HMGCLL1: variants seen among roughly 807,000 people sequenced by gnomAD.
HMGCLL1 encodes 3-hydroxy-3-methylglutaryl-CoA lyase like 1.
A neutral mutation model predicts 39.1 loss-of-function variants in HMGCLL1; 36 were observed. That is an observed-to-expected ratio of 0.92 (90% confidence interval 0.71 to 1.22). The LOEUF (loss-of-function observed/expected upper bound fraction) is 1.22, where lower values mean the gene tolerates loss of function less well. Among genes scored for constraint, HMGCLL1 ranks in the 50% most tolerant of loss-of-function variants. The pLI is 0.00. For missense variants in HMGCLL1, 451 were observed against 416.5 expected (o/e 1.08, Z -0.72); for synonymous variants, 149 against 144.0 (o/e 1.03, Z -0.25).
chr6:55,494,400 T>C (rs1460451718), intron 7 of HMGCLL1, among the ~76,000 whole-genome samples: 1 of 152,208 alleles, frequency 6.6e-6, no homozygotes, highest in Non-Finnish European at 1.5e-5. Context: ...TAGTTTTCTA[T>C]TGTTTCAGAA....
chr6:55,472,474 T>G (rs9357864), intron 7 of HMGCLL1, among the ~76,000 whole-genome samples: 38,448 of 102,664 alleles, frequency 0.37, 4,929 homozygotes, highest in East Asian at 0.58. Context: ...CCTGTTAATA[T>G]TTATTTTATC....
chr6:55,451,807 G>T (rs1255940604), intron 7 of HMGCLL1, among the ~76,000 whole-genome samples: 1 of 152,110 alleles, frequency 6.6e-6, no homozygotes. Flanking sequence ...TGAAAACAGT[G>T]GTTCTGACAA....
At chr6:55,484,957 T>C (rs1287543416) in intron 7 of HMGCLL1, among the ~76,000 whole-genome samples, 2 of 152,046 alleles carry the variant, frequency 1.3e-5, no homozygotes, top group African/African-American at 4.8e-5. Flanking sequence ...GGATTTACAA[T>C]AGCCTTCAAG....
At chr6:55,642,755 T>C in the HMGCLL1 span, among the ~76,000 whole-genome samples, 1 of 152,078 alleles carries the variant, frequency 6.6e-6, no homozygotes, top group Admixed American at 6.6e-5. Context: ...CTAAGCTTAG[T>C]ATCCAATAAT....
the HMGCLL1 span, among the ~76,000 whole-genome samples, chr6:55,632,572 G>A: frequency 2.0e-5 from 3 of 151,706 alleles, no homozygotes; most frequent in African/African-American, 7.3e-5. Flanking sequence ...GAACAGATCT[G>A]TTCTGTTTCA....
chr6:55,435,473 T>C lies in HMGCLL1; in HGVS notation c.*189A>G, dbSNP rs940240950. 6 of 387,350 alleles carry C rather than the reference T, an allele frequency of 1.5e-5. No individual in the cohort carries two copies. The highest frequency in any genetic ancestry group is 2.8e-5 in the Non-Finnish European group (6 of 217,388). The allele number at this position is 387,350 out of a possible 1,614,324, so 24.0% of individuals were successfully genotyped here. On this transcript the variant is annotated 3_prime_UTR_variant, in exon 9 of 9. Transcript: ENST00000274901. ...TTTATTATTTATCCTCAGCTTGCAA[T>C]TTACCTGATGACTGATATTGCATTT...
chr6:55,604,199 G>A, the HMGCLL1 span, among the ~76,000 whole-genome samples: 1 of 152,046 alleles, frequency 6.6e-6, no homozygotes, highest in Non-Finnish European at 1.5e-5. Context: ...CAGAGCTCTT[G>A]CCAAGTTTCC....
chr6:55,569,938 T>TAAC (rs1581961812), intron 1 of HMGCLL1, among the ~76,000 whole-genome samples: 1 of 152,120 alleles, frequency 6.6e-6, no homozygotes, highest in Non-Finnish European at 1.5e-5. Context: ...AAAGTGCATG[T>TAAC]AAGTCAAGTC....
At chr6:55,575,817 A>G (rs1771734341) in intron 1 of HMGCLL1, among the ~76,000 whole-genome samples, 1 of 152,174 alleles carries the variant, frequency 6.6e-6, no homozygotes. Flanking sequence ...ATCAAACTCT[A>G]TACCATGTCC....
At chr6:55,630,906 A>G in the HMGCLL1 span, among the ~76,000 whole-genome samples, 1 of 152,194 alleles carries the variant, frequency 6.6e-6, no homozygotes, top group Non-Finnish European at 1.5e-5. Flanking sequence ...GTATTTTTTT[A>G]TCAGCAGCAT....
At chr6:55,613,557 A>G in the HMGCLL1 span, among the ~76,000 whole-genome samples, 3 of 152,234 alleles carry the variant, frequency 2.0e-5, no homozygotes, top group South Asian at 2.1e-4. Context: ...AGGCCCATCA[A>G]TGATAGACTG....
chr6:55,651,111 G>A, the HMGCLL1 span, among the ~76,000 whole-genome samples: 1 of 152,076 alleles, frequency 6.6e-6, no homozygotes, highest in Non-Finnish European at 1.5e-5. Context: ...AATAGAAAGA[G>A]TCTTTCACTG....
At chr6:55,622,942 G>C in the HMGCLL1 span, among the ~76,000 whole-genome samples, 1 of 151,952 alleles carries the variant, frequency 6.6e-6, no homozygotes, top group Non-Finnish European at 1.5e-5. Context: ...CTCATTACTT[G>C]ATATCAGTTC....
At chr6:55,587,338 G>C in the HMGCLL1 span, among the ~76,000 whole-genome samples, 1 of 151,934 alleles carries the variant, frequency 6.6e-6, no homozygotes, top group African/African-American at 2.4e-5. Flanking sequence ...CTCCCATTCT[G>C]TAGGTCGCCT....
chr6:55,595,943 A>C, the HMGCLL1 span, among the ~76,000 whole-genome samples: 1 of 152,296 alleles, frequency 6.6e-6, no homozygotes, highest in African/African-American at 2.4e-5. Context: ...TTGTGAATGA[A>C]ATACTTTGTA....
chr6:55,585,058 CAG>C, the HMGCLL1 span, among the ~76,000 whole-genome samples: 4 of 151,960 alleles, frequency 2.6e-5, no homozygotes, highest in Non-Finnish European at 5.9e-5. Flanking sequence ...AGAAGGATAA[CAG>C]AGTGTTTAAA....
intron 3 of HMGCLL1, among the ~76,000 whole-genome samples, chr6:55,525,795 C>T (rs1253262678): frequency 6.6e-6 from 1 of 151,952 alleles, no homozygotes; most frequent in Non-Finnish European, 1.5e-5. Flanking sequence ...GCTTTATATG[C>T]ATGGTTTAGA....
intron 6 of HMGCLL1, among the ~76,000 whole-genome samples, chr6:55,498,481 C>T (rs1442570885): frequency 6.6e-6 from 1 of 152,068 alleles, no homozygotes; most frequent in Non-Finnish European, 1.5e-5. Context: ...GAAACTTTAT[C>T]CTGCCTAAAT....
rs572741994 is a variant in HMGCLL1 at position 55,540,585 on chromosome 6, G to T, written c.297+1144C>A. Among the ~76,000 whole-genome samples the T allele has an allele frequency of 1.6e-4, 25 of 152,218 alleles. No homozygotes were observed. In the South Asian group the frequency reaches 5.0e-3, roughly 30 times the overall value. ...GTTGGACTTCCCAGCCTCCATAACT[G>T]TGAGAAATAGTTCTCCTGCTGTTTA... is the stretch of plus-strand genomic sequence containing the variant. On this transcript the variant is annotated intron_variant, in intron 3 of 8. Transcript: ENST00000274901.
Sources: gnomAD v4.1 joint callset for allele counts (sites outside exome capture counted in the v4.1 genomes callset) on GRCh38, gnomAD v4.1.1 for gene constraint, MANE v1.5 for transcripts, NCBI Gene and HGNC (gene_info 2026-07-23, HGNC 2026-07-21) for gene names.